Variants in IDH3A observed in about 807,000 individuals in gnomAD.
IDH3A encodes isocitrate dehydrogenase [NAD] subunit alpha, mitochondrial.
Under a neutral mutation model 43.3 loss-of-function variants are expected in IDH3A, and 23 were observed. The observed-to-expected ratio is 0.53, with a 90% CI of 0.38 to 0.75. IDH3A has a LOEUF of 0.75. Among genes scored for constraint, IDH3A ranks in the 30% least tolerant of loss-of-function variants. IDH3A has a pLI of 0.00. For missense variants in IDH3A, 329 were observed against 474.4 expected (o/e 0.69, Z 2.85); for synonymous variants, 154 against 163.5 (o/e 0.94, Z 0.44).
At chr15:78,166,707 C>T (rs986922362) in intron 10 of IDH3A, among the ~76,000 whole-genome samples, 2 of 152,228 alleles carry the variant, frequency 1.3e-5, no homozygotes, top group Non-Finnish European at 2.9e-5. Flanking sequence ...TCTTGGCTCA[C>T]TGCAACCTGC....
intron 10 of IDH3A, chr15:78,166,552 C>G (rs761994139): frequency 6.5e-6 from 3 of 463,424 alleles, no homozygotes; most frequent in Non-Finnish European, 1.2e-5. Flanking sequence ...CATCAGTGTA[C>G]AGTGGAAAGG....
intron 1 of IDH3A, chr15:78,154,447 G>A (rs2074608018): frequency 6.6e-6 from 1 of 152,218 alleles, no homozygotes; most frequent in Admixed American, 6.5e-5. Context: ...TAGATATAAT[G>A]TATAATTGAA....
chr15:78,158,464 T>TATATACATATA (rs71145899), intron 3 of IDH3A, among the ~76,000 whole-genome samples: 2 of 50,050 alleles, frequency 4.0e-5, no homozygotes, highest in African/African-American at 1.7e-4. Context: ...TATATATATA[T>TATATACATATA]TTTTTTTTTT....
intron 10 of IDH3A, 78 bp from the exon 11 acceptor site, chr15:78,168,844 C>A: frequency 1.1e-6 from 1 of 898,988 alleles, no homozygotes; most frequent in Non-Finnish European, 1.8e-6. Flanking sequence ...GGTGGCATCT[C>A]ACTGAGGGCT....
intron 1 of IDH3A, chr15:78,154,601 C>T (rs2074609281): frequency 6.6e-6 from 1 of 152,176 alleles, no homozygotes; most frequent in Non-Finnish European, 1.5e-5. Context: ...TCGTGGTGCA[C>T]ACCTGTAATC....
In IDH3A at chr15:78,162,377, T is replaced by C; in HGVS notation, c.611+10T>C. The C allele has an allele frequency of 1.9e-6, 3 of 1,613,062 alleles. No homozygotes were observed. Among genetic ancestry groups the C allele is most frequent in the Admixed American group, 3.3e-5 (2 of 59,990 alleles). On this transcript the variant is annotated intron_variant, in intron 6 of 10. Transcript: ENST00000299518. ...ACAAAGCCAACATCATGTGAGCTCC[T>C]TGCGGGGGCCGGCACCCCATCTTGC...
chr15:78,163,625 C>T lies in IDH3A; in HGVS notation c.714+16C>T, dbSNP rs1567071995. ...ATGTTTGAATGTAAGTATATATTCA[C>T]ACTTACCTGCTACTTTTTATGGTGA... On this transcript the variant is annotated intron_variant, in intron 7 of 10. Transcript: ENST00000299518. 6.5e-7 allele frequency: 1 copy of T among 1,540,778 alleles called. No individual in the cohort carries two copies. Among genetic ancestry groups the T allele is most frequent in the Non-Finnish European group, 9.0e-7 (1 of 1,113,554 alleles).
chr15:78,156,406 G>A lies in IDH3A; in HGVS notation c.90+1131G>A, dbSNP rs570803140. ...GAGATTTGCTTAAGGCCAGGAGTTC[G>A]AGGCTGCAGTGAGCTGTGATCACAC... On this transcript the variant is annotated intron_variant, in intron 2 of 10. Transcript: ENST00000299518. Among the ~76,000 whole-genome samples the A allele has an allele frequency of 4.6e-5, 7 of 152,248 alleles. No individual in the cohort carries two copies. In the South Asian group the frequency reaches 1.0e-3, roughly 23 times the overall value.
At position 78,171,330 on chromosome 15, in the gene IDH3A, G is replaced by C. The variant is rs1183073746; in HGVS notation, c.*2325G>C. 1.3e-6 allele frequency: 1 copy of C among 780,300 alleles called. No homozygotes were observed. Among genetic ancestry groups the C allele is most frequent in the Non-Finnish European group, 2.1e-6 (1 of 479,342 alleles). The allele number at this position is 780,300 out of a possible 1,614,324, so 48.3% of individuals were successfully genotyped here. Reference sequence around the variant, plus strand: ...AGCCAGTGCTGTGCCCTGACCTGGAGATCTAACAGACTTGGCAGAAATGCC... The same window carrying C: ...AGCCAGTGCTGTGCCCTGACCTGGACATCTAACAGACTTGGCAGAAATGCC... On this transcript the variant is annotated 3_prime_UTR_variant, in exon 11 of 11. Transcript: ENST00000299518.
intron 2 of IDH3A, 145 bp downstream of exon 2, chr15:78,155,420 G>A: frequency 1.8e-6 from 1 of 546,846 alleles, no homozygotes; most frequent in Non-Finnish European, 3.2e-6. Flanking sequence ...TGAAATTACT[G>A]GCTGACATGC....
chr15:78,168,986 G>A lies in IDH3A; in HGVS notation c.1082G>A (p.Arg361Gln), dbSNP rs1595874578. 1.9e-6 allele frequency: 3 copies of A among 1,598,360 alleles called. No individual in the cohort carries two copies. Among genetic ancestry groups the A allele is most frequent in the East Asian group, 2.2e-5 (1 of 44,590 alleles). Reference protein sequence around the residue: ...CSDFTEEICRRVKDLD With the variant: ...CSDFTEEICRQVKDLD ...GACTTCACAGAGGAAATCTGTCGCC[G>A]AGTAAAAGATTTAGATTAACACTTC... Residue 361 changes from arginine to glutamine, a missense_variant, in exon 11 of 11, where the codon CGA becomes CAA. Arg to Gln is a conservative substitution (Grantham distance 43, BLOSUM62 1). This residue lies in a region of IDH3A where 91 missense variants were observed against 111.6 expected (regional missense o/e 0.82). Transcript: ENST00000299518.
intron 1 of IDH3A, among the ~76,000 whole-genome samples, chr15:78,153,237 T>TCTAC (rs2074594199): frequency 6.6e-6 from 1 of 152,222 alleles, no homozygotes; most frequent in South Asian, 2.1e-4. Context: ...CCCATGTAGC[T>TCTAC]GAGACCATTG....
intron 8 of IDH3A, 40 bp from the exon 9 acceptor site, chr15:78,164,952 A>G (rs2074722824): frequency 6.6e-7 from 1 of 1,520,922 alleles, no homozygotes; most frequent in Non-Finnish European, 9.1e-7. Flanking sequence ...GAGATGTTTT[A>G]TTTTTAAAAA....
chr15:78,155,167 G>A (rs780095183), intron 1 of IDH3A, 46 bp from the exon 2 acceptor site: 1 of 1,391,530 alleles, frequency 7.2e-7, no homozygotes, highest in Non-Finnish European at 1.0e-6. Context: ...TTTACTGTAT[G>A]TGGTTTAATT....
chr15:78,168,986 G>T lies in IDH3A; in HGVS notation c.1082G>T (p.Arg361Leu). The change falls in exon 11 of 11, where the codon CGA becomes CTA. Residue 361 changes from arginine (R) to leucine (L), a missense_variant. Coordinates refer to ENST00000299518, the MANE Select transcript of IDH3A (RefSeq NM_005530.3). ...GACTTCACAGAGGAAATCTGTCGCC[G>T]AGTAAAAGATTTAGATTAACACTTC... ...CSDFTEEICR[R>L]VKDLD The T allele has an allele frequency of 6.3e-7, 1 of 1,598,360 alleles. No homozygotes were observed. The highest frequency in any genetic ancestry group is 8.6e-7 in the Non-Finnish European group (1 of 1,166,882).
chr15:78,158,696 C>T (rs1039472495), intron 3 of IDH3A, among the ~76,000 whole-genome samples: 5 of 150,466 alleles, frequency 3.3e-5, no homozygotes, highest in South Asian at 2.1e-4. Context: ...AGGCTGGTCT[C>T]GAACTCCTGA....
rs201136052 is a variant in IDH3A at position 78,171,532 on chromosome 15, A to T, written c.*2527A>T. On this transcript the variant is annotated 3_prime_UTR_variant, in exon 11 of 11. Transcript: ENST00000299518. ...CCGTTTCAGTTTCATCGTGGGACCT[A>T]AAAGGGAAATGAGAAGAAATGAGTG... The T allele has an allele frequency of 9.3e-6, 15 of 1,613,382 alleles. No individual in the cohort carries two copies. The highest frequency in any genetic ancestry group is 1.3e-5 in the Non-Finnish European group (15 of 1,179,362).
Position 78,161,681 on chromosome 15 carries a change from C to T in IDH3A, c.390C>T (p.Ile130=), listed in dbSNP as rs201015927. Residue 130 remains isoleucine, a synonymous_variant, in exon 5 of 11, where the codon ATC becomes ATT. Transcript: ENST00000299518. The surrounding 1 kb of genome is among the most constrained non-coding windows in gnomAD (Gnocchi z 4.8). The part of the protein sequence containing the change: ...LYANVRPCVS[I]EGYKTPYTDV... ...CGAATGTCCGACCATGTGTCTCTAT[C>T]GAAGGCTATAAAACCCCTTACACCG... 2.6e-5 allele frequency: 42 copies of T among 1,614,078 alleles called. No individual in the cohort carries two copies. The highest frequency in any genetic ancestry group is 6.7e-5 in the Admixed American group (4 of 60,014).
chr15:78,161,288 C>T lies in IDH3A; in HGVS notation c.290-293C>T, dbSNP rs868254241. Reference sequence around the variant, plus strand: ...TTTTTATTCTTATTTTTTCTTTTTTCGTCATTTTTAAATGACAGTAACAGA... The same window carrying T: ...TTTTTATTCTTATTTTTTCTTTTTTTGTCATTTTTAAATGACAGTAACAGA... On this transcript the variant is annotated intron_variant, in intron 4 of 10. Transcript: ENST00000299518. The surrounding 1 kb of genome is among the most constrained non-coding windows in gnomAD (Gnocchi z 4.8). Among the ~76,000 whole-genome samples the T allele has an allele frequency of 5.3e-5, 8 of 152,108 alleles. No individual in the cohort carries two copies. The highest frequency in any genetic ancestry group is 2.1e-4 in the South Asian group (1 of 4,824).
Sources: gnomAD v4.1 joint callset for allele counts (sites outside exome capture counted in the v4.1 genomes callset) on GRCh38, gnomAD v4.1.1 for gene constraint, gnomAD v4.1.1 regional missense constraint, Gnocchi (gnomAD v3.1) non-coding constraint, MANE v1.5 for transcripts, NCBI Gene and HGNC (gene_info 2026-07-23, HGNC 2026-07-21) for gene names.